SOX5: variants seen among roughly 807,000 people sequenced by gnomAD.
SOX5 encodes SRY-box transcription factor 5.
A neutral mutation model predicts 92.0 loss-of-function variants in SOX5; 9 were observed. That is an observed-to-expected ratio of 0.10 (90% CI 0.06 to 0.17). The LOEUF is 0.17. Ranked by LOEUF, SOX5 falls within the 10% of genes least tolerant of loss-of-function variation. The pLI is 1.00. For synonymous variants in SOX5, 344 were observed against 336.3 expected, an observed-to-expected ratio of 1.02 and a Z score of -0.25; for missense variants, 642 against 944.5, an observed-to-expected ratio of 0.68 and a Z score of 4.20.
At chr12:23,651,333 G>T (rs1350905008) in intron 7 of SOX5, among the ~76,000 whole-genome samples, 1 of 151,872 alleles carries the variant, frequency 6.6e-6, no homozygotes, top group East Asian at 1.9e-4. Context: ...AACTGGCCAG[G>T]ATTATCCCAC....
chr12:23,806,496 C>A (rs965039706), intron 3 of SOX5, among the ~76,000 whole-genome samples: 2 of 148,230 alleles, frequency 1.3e-5, no homozygotes, highest in Non-Finnish European at 3.0e-5. Context: ...TTTGATCTTT[C>A]TTTGGTTTAT....
chr12:23,820,922 A>T (rs1028507360), intron 3 of SOX5, among the ~76,000 whole-genome samples: 3 of 152,178 alleles, frequency 2.0e-5, no homozygotes, highest in Admixed American at 6.5e-5. Context: ...TTTGAGTTCC[A>T]TATGAAATTT....
At chr12:24,095,738 C>T (rs1359887088) in intron 4 of SOX5, among the ~76,000 whole-genome samples, 2 of 152,056 alleles carry the variant, frequency 1.3e-5, no homozygotes, top group South Asian at 2.1e-4. Context: ...GGGCTTGCTT[C>T]CCCCATGCTG....
chr12:24,359,580 C>A (rs998499403), intron 2 of SOX5, among the ~76,000 whole-genome samples: 3 of 152,212 alleles, frequency 2.0e-5, no homozygotes, highest in African/African-American at 7.2e-5. Flanking sequence ...CTGAATAATT[C>A]AGACTCCAAA....
intron 2 of SOX5, among the ~76,000 whole-genome samples, chr12:23,888,643 T>C (rs1046288151): frequency 1.3e-5 from 2 of 152,192 alleles, no homozygotes; most frequent in African/African-American, 4.8e-5. Flanking sequence ...CCCAACTGAT[T>C]GTTTTTCACA....
intron 4 of SOX5, among the ~76,000 whole-genome samples, chr12:24,112,981 C>T (rs1043022141): frequency 2.0e-5 from 3 of 151,740 alleles, no homozygotes; most frequent in Non-Finnish European, 4.4e-5. Flanking sequence ...TTTCCTCTTA[C>T]ACTGGTTCCC....
intron 4 of SOX5, among the ~76,000 whole-genome samples, chr12:24,197,886 G>T (rs1213150623): frequency 6.6e-6 from 1 of 152,150 alleles, no homozygotes; most frequent in African/African-American, 2.4e-5. Context: ...TCACAGTTTG[G>T]TGTCAAATAA....
intron 4 of SOX5, among the ~76,000 whole-genome samples, chr12:23,746,677 T>A (rs1313378848): frequency 6.6e-6 from 1 of 152,070 alleles, no homozygotes; most frequent in Non-Finnish European, 1.5e-5. Flanking sequence ...ACATGTCAGA[T>A]GCCTTAATAT....
chr12:24,116,668 C>T (rs1324872828), intron 4 of SOX5, among the ~76,000 whole-genome samples: 1 of 151,992 alleles, frequency 6.6e-6, no homozygotes, highest in Non-Finnish European at 1.5e-5. Context: ...TTCATGCATT[C>T]CACATTAAGA....
intron 1 of SOX5, among the ~76,000 whole-genome samples, chr12:24,547,996 T>A (rs568461372): frequency 6.6e-6 from 1 of 152,222 alleles, no homozygotes; most frequent in Non-Finnish European, 1.5e-5. Context: ...TTTATAACCA[T>A]AAACTGCTAT....
intron 2 of SOX5, among the ~76,000 whole-genome samples, chr12:24,359,028 C>G (rs1955199336): frequency 1.3e-5 from 2 of 152,184 alleles, no homozygotes. Flanking sequence ...GAATCCAAGT[C>G]CACCATGCTT....
intron 3 of SOX5, among the ~76,000 whole-genome samples, chr12:23,804,949 A>G (rs1594621823): frequency 5.8e-5 from 1 of 17,288 alleles, no homozygotes; most frequent in East Asian, 4.3e-3. Context: ...ATATATATAT[A>G]TATATATATA....
At chr12:24,272,157 T>C (rs1198067546) in intron 3 of SOX5, among the ~76,000 whole-genome samples, 1 of 152,106 alleles carries the variant, frequency 6.6e-6, no homozygotes, top group African/African-American at 2.4e-5. Context: ...CCTTAGAAAA[T>C]ATTACTTAAT....
chr12:24,015,199 C>T (rs905401290), intron 4 of SOX5, among the ~76,000 whole-genome samples: 4 of 152,072 alleles, frequency 2.6e-5, no homozygotes, highest in East Asian at 1.9e-4. Context: ...CAGATGGAAG[C>T]GAGTGTCGCC....
At chr12:23,540,191 T>C (rs986611849) in intron 13 of SOX5, among the ~76,000 whole-genome samples, 4 of 151,758 alleles carry the variant, frequency 2.6e-5, no homozygotes, top group African/African-American at 9.7e-5. Context: ...CATTCCCTGC[T>C]GCTTTCAAAA....
At chr12:23,923,993 A>T (rs566082837) in intron 1 of SOX5, among the ~76,000 whole-genome samples, 1 of 152,306 alleles carries the variant, frequency 6.6e-6, no homozygotes, top group East Asian at 1.9e-4. Flanking sequence ...TGGTCTTGTG[A>T]TGCTTATATA....
At chr12:23,824,561 C>A (rs573165820) in intron 3 of SOX5, among the ~76,000 whole-genome samples, 1 of 152,264 alleles carries the variant, frequency 6.6e-6, no homozygotes, top group South Asian at 2.1e-4. Context: ...CCTGCTGGGA[C>A]GTGTCTCCCC....
intron 4 of SOX5, among the ~76,000 whole-genome samples, chr12:23,742,336 A>G (rs2093826570): frequency 1.3e-5 from 2 of 152,198 alleles, no homozygotes; most frequent in African/African-American, 4.8e-5. Flanking sequence ...TGAATAAGGC[A>G]GTAACCATTT....
At chr12:24,172,675 G>A (rs1593901729) in intron 4 of SOX5, among the ~76,000 whole-genome samples, 1 of 152,298 alleles carries the variant, frequency 6.6e-6, no homozygotes, top group East Asian at 1.9e-4. Context: ...GGCAGAAAGA[G>A]AAAAATCTCT....
Sources: gnomAD v4.1 joint callset for allele counts (sites outside exome capture counted in the v4.1 genomes callset) on GRCh38, gnomAD v4.1.1 for gene constraint, MANE v1.5 for transcripts, NCBI Gene and HGNC (gene_info 2026-07-23, HGNC 2026-07-21) for gene names.